The following STK32B variants were observed in gnomAD, a reference collection of about 807,000 sequenced individuals.
STK32B encodes serine/threonine kinase 32B.
Under a neutral mutation model 52.6 loss-of-function variants are expected in STK32B, and 43 were observed. The ratio of observed to expected loss-of-function variants is 0.82; its 90% CI spans 0.64 to 1.05. The LOEUF (loss-of-function observed/expected upper bound fraction) is 1.05, where lower values mean the gene tolerates loss of function less well. Among genes scored for constraint, STK32B ranks in the 50% least tolerant of loss-of-function variants. STK32B has a pLI of 0.00. For missense variants in STK32B, 621 were observed against 534.6 expected (o/e 1.16, Z -1.59); for synonymous variants, 238 against 204.3 (o/e 1.17, Z -1.41).
At chr4:5,246,538 G>T (rs61330201) in intron 3 of STK32B, among the ~76,000 whole-genome samples, 1 of 152,046 alleles carries the variant, frequency 6.6e-6, no homozygotes, top group African/African-American at 2.4e-5. Flanking sequence ...TTAGCTCGGA[G>T]TAGTTTGATC....
At chr4:5,459,611 T>G (rs1176311722) in intron 8 of STK32B, among the ~76,000 whole-genome samples, 4 of 152,150 alleles carry the variant, frequency 2.6e-5, no homozygotes, top group Admixed American at 6.5e-5. Context: ...GAAACTCAAT[T>G]AGAAGAGAAG....
At chr4:5,417,007 C>T in intron 6 of STK32B, 73 bp downstream of exon 6, 1 of 1,375,580 alleles carries the variant, frequency 7.3e-7, no homozygotes, top group Non-Finnish European at 1.0e-6. Flanking sequence ...TCTCTTGTTT[C>T]ATCTGCCACT....
chr4:5,326,683 CCTT>C (rs1731899221), intron 3 of STK32B, among the ~76,000 whole-genome samples: 1 of 152,190 alleles, frequency 6.6e-6, no homozygotes. Flanking sequence ...CTCATCTGAG[CCTT>C]CTTTCAACAA....
intron 4 of STK32B, among the ~76,000 whole-genome samples, chr4:5,340,638 G>T (rs1474960877): frequency 1.3e-5 from 2 of 152,164 alleles, no homozygotes; most frequent in Non-Finnish European, 2.9e-5. Flanking sequence ...AGGATTCCTT[G>T]GCTAGGTATC....
Position 5,117,033 on chromosome 4 carries a change from C to T in STK32B, c.53-22872C>T, listed in dbSNP as rs187503188. Among the ~76,000 whole-genome samples, 312 of 152,260 alleles carry T rather than the reference C, an allele frequency of 2.0e-3. 6 individuals carry two copies. Among genetic ancestry groups the T allele is most frequent in the Admixed American group, 0.018 (269 of 15,298 alleles). On this transcript the variant is annotated intron_variant, in intron 1 of 11. Transcript: ENST00000282908. ...TACGGAATTCATTTGTTAGTTTTAA[C>T]AGTCTTTTTAGAGTCTTTAGAATTT...
chr4:5,257,186 GGTGA>G (rs1315574584), intron 3 of STK32B, among the ~76,000 whole-genome samples: 1 of 151,858 alleles, frequency 6.6e-6, no homozygotes, highest in Admixed American at 6.6e-5. Context: ...TGAGTGCACA[GGTGA>G]GTGAGTGAAT....
At chr4:5,258,021 T>A (rs1172801734) in intron 3 of STK32B, among the ~76,000 whole-genome samples, 6 of 152,154 alleles carry the variant, frequency 3.9e-5, no homozygotes, top group Non-Finnish European at 8.8e-5. Context: ...CGAGTTCAAA[T>A]CTTACTCCTT....
At chr4:5,122,144 T>G (rs1715062112) in intron 1 of STK32B, among the ~76,000 whole-genome samples, 1 of 150,920 alleles carries the variant, frequency 6.6e-6, no homozygotes, top group African/African-American at 2.5e-5. Context: ...ACTCACACAC[T>G]CATTCACTCC....
At chr4:5,244,267 C>A (rs935356914) in intron 3 of STK32B, among the ~76,000 whole-genome samples, 7 of 152,154 alleles carry the variant, frequency 4.6e-5, no homozygotes, top group African/African-American at 1.4e-4. Flanking sequence ...GTTTATTGGT[C>A]TATTCAGAGA....
At chr4:5,379,927 T>C (rs865827116) in intron 4 of STK32B, among the ~76,000 whole-genome samples, 2 of 152,214 alleles carry the variant, frequency 1.3e-5, no homozygotes, top group Non-Finnish European at 2.9e-5. Flanking sequence ...TGCTTTGGGA[T>C]CACCTTAGCG....
intron 7 of STK32B, among the ~76,000 whole-genome samples, chr4:5,455,293 C>T (rs1716397972): frequency 6.6e-6 from 1 of 152,242 alleles, no homozygotes; most frequent in Non-Finnish European, 1.5e-5. Flanking sequence ...GGAGCCAGGA[C>T]CTTAAGTGCC....
At chr4:5,189,978 G>A (rs1201267930) in intron 3 of STK32B, among the ~76,000 whole-genome samples, 1 of 152,124 alleles carries the variant, frequency 6.6e-6, no homozygotes, top group South Asian at 2.1e-4. Flanking sequence ...GTTGTCGAAT[G>A]AACCAATTGA....
chr4:5,481,869 A>C (rs149879213), intron 11 of STK32B, among the ~76,000 whole-genome samples: 3,513 of 152,140 alleles, frequency 0.023, 141 homozygotes, highest in African/African-American at 0.08. Context: ...TGTTTTTGTC[A>C]GGTTTGTCAA....
At chr4:5,374,721 C>G (rs1179056093) in intron 4 of STK32B, among the ~76,000 whole-genome samples, 4 of 151,150 alleles carry the variant, frequency 2.6e-5, no homozygotes, top group Non-Finnish European at 4.4e-5. Flanking sequence ...CCTAAAGGTT[C>G]CACCTCTTAT....
chr4:5,060,393 G>A (rs1298484499), intron 1 of STK32B, among the ~76,000 whole-genome samples: 6 of 152,194 alleles, frequency 3.9e-5, no homozygotes, highest in Non-Finnish European at 8.8e-5. Context: ...TTGGTAATTT[G>A]TGCTTTCTTT....
Position 5,406,473 on chromosome 4 carries a change from CTTCCCTAGTAGAAT to C in STK32B, c.472+8233_472+8246del, listed in dbSNP as rs561297895. ...TCCAACCCCACATTTCCCCTTCACC[CTTCCCTAGTAGAAT>C]TTCTCAACGAGGGCCCCACCCCTGC... On this transcript the variant is annotated intron_variant, in intron 5 of 11. Transcript: ENST00000282908. Among the ~76,000 whole-genome samples, 158 of 152,268 alleles carry C rather than the reference CTTCCCTAGTAGAAT, an allele frequency of 1.0e-3. 3 individuals are homozygous for C. Among genetic ancestry groups the C allele is most frequent in the Non-Finnish European group, 3.4e-4 (23 of 68,022 alleles).
At position 5,469,688 on chromosome 4, in the gene STK32B, C is replaced by T. The variant is rs1051307135; in HGVS notation, c.1106+1618C>T. 2.6e-5 allele frequency among the ~76,000 whole-genome samples: 4 copies of T among 152,218 alleles called. No individual in the cohort carries two copies. The highest frequency in any genetic ancestry group is 9.6e-5 in the African/African-American group (4 of 41,466). On this transcript the variant is annotated intron_variant, in intron 11 of 11. Transcript: ENST00000282908. The surrounding 1 kb of genome is among the most constrained non-coding windows in gnomAD (Gnocchi z 4.7). ...ATGGGTGCCCAGATCAGCACAGACA[C>T]ACACACCAGGCTTGGGCAGCAAGCC...
chr4:5,478,951 A>T (rs890350217), intron 11 of STK32B, among the ~76,000 whole-genome samples: 1 of 151,996 alleles, frequency 6.6e-6, no homozygotes, highest in Non-Finnish European at 1.5e-5. Context: ...GGCAGCCCAC[A>T]GGCATGGGCA....
At chr4:5,069,190 C>CTTTTT (rs11309394) in intron 1 of STK32B, among the ~76,000 whole-genome samples, 2 of 99,582 alleles carry the variant, frequency 2.0e-5, no homozygotes, top group African/African-American at 3.8e-5. Context: ...GGCAGGTTCT[C>CTTTTT]TTTTTTTTTT....
Sources: allele counts gnomAD v4.1 joint callset (sites outside exome capture counted in the v4.1 genomes callset), GRCh38; gene constraint gnomAD v4.1.1; non-coding constraint Gnocchi (gnomAD v3.1); transcripts MANE v1.5; gene names NCBI Gene and HGNC (gene_info 2026-07-23, HGNC 2026-07-21).